The following PCLO variants were observed in gnomAD, a reference collection of about 807,000 sequenced individuals.
PCLO encodes the protein piccolo presynaptic cytomatrix protein.
Under a neutral mutation model 427.5 loss-of-function variants are expected in PCLO, and 82 were observed. The observed-to-expected ratio is 0.19, with a 90% CI of 0.16 to 0.23. The LOEUF is 0.23. PCLO is among the 10% of genes least tolerant of loss of function. PCLO has a pLI of 1.00. For missense variants in PCLO, 6,239 were observed against 6,115.9 expected, an observed-to-expected ratio of 1.02 and a Z score of -0.67; for synonymous variants, 2,357 against 2,155.4, an observed-to-expected ratio of 1.09 and a Z score of -2.59.
At chr7:82,784,493 GT>G (rs1413703828) in intron 22 of PCLO, among the ~76,000 whole-genome samples, 15 of 151,934 alleles carry the variant, frequency 9.9e-5, no homozygotes, top group African/African-American at 3.4e-4. Flanking sequence ...TGAATTGCCC[GT>G]ATTCATCAAT....
chr7:82,765,890 C>T (rs6953631), intron 22 of PCLO, among the ~76,000 whole-genome samples: 1 of 39,252 alleles, frequency 2.5e-5, no homozygotes, highest in Non-Finnish European at 6.5e-5. Context: ...GAGAAGTTAG[C>T]GGGGGGAGAA....
At chr7:83,122,436 C>A (rs1244427436) in intron 3 of PCLO, among the ~76,000 whole-genome samples, 1 of 152,038 alleles carries the variant, frequency 6.6e-6, no homozygotes, top group East Asian at 1.9e-4. Flanking sequence ...CAGACGTCCA[C>A]CACCACGCCC....
Position 82,845,187 on chromosome 7 carries a change from G to A in PCLO, c.14046+84C>T, listed in dbSNP as rs1208891514. ...GAGAAATCATAAGAAAAATACTTTA[G>A]AAAATGATATTTTATTTTCTGTCTC... is the stretch of plus-strand genomic sequence containing the variant. On this transcript the variant is annotated intron_variant, in intron 13 of 24. Transcript: ENST00000333891. 3.2e-6 allele frequency: 3 copies of A among 937,496 alleles called. No homozygotes were observed. The Admixed American group carries it at 7.6e-5, about 24-fold the overall frequency. 58.1% of individuals were successfully genotyped at this position (937,496 alleles called of 1,614,324 possible).
intron 6 of PCLO, among the ~76,000 whole-genome samples, chr7:82,925,302 C>G (rs1186815770): frequency 1.3e-5 from 2 of 151,560 alleles, no homozygotes; most frequent in Non-Finnish European, 2.9e-5. Flanking sequence ...AAATATAGTG[C>G]AGTAAAGGAA....
chr7:83,075,036 C>T (rs1789915641), intron 3 of PCLO, among the ~76,000 whole-genome samples: 2 of 152,106 alleles, frequency 1.3e-5, no homozygotes, highest in South Asian at 2.1e-4. Context: ...GAATAAAGTA[C>T]ATCTGAAACT....
chr7:82,782,787 G>T (rs150629052), intron 22 of PCLO, among the ~76,000 whole-genome samples: 403 of 152,224 alleles, frequency 2.6e-3, no homozygotes, highest in Non-Finnish European at 4.3e-3. Context: ...ATATTTGAAA[G>T]TGTCTTATAT....
chr7:82,886,534 C>G (rs1028094590), intron 9 of PCLO, among the ~76,000 whole-genome samples: 4 of 151,974 alleles, frequency 2.6e-5, no homozygotes, highest in African/African-American at 9.7e-5. Flanking sequence ...TCTATATTTG[C>G]TGAGTCATTT....
intron 3 of PCLO, among the ~76,000 whole-genome samples, chr7:83,118,816 G>C (rs2116552416): frequency 6.6e-6 from 1 of 152,242 alleles, no homozygotes; most frequent in South Asian, 2.1e-4. Flanking sequence ...ACAAGGACTG[G>C]TGGTGTGCTA....
intron 3 of PCLO, among the ~76,000 whole-genome samples, chr7:83,023,573 T>C (rs748941872): frequency 2.6e-5 from 4 of 152,328 alleles, no homozygotes; most frequent in Middle Eastern, 3.4e-3. Context: ...CAGTTGTAAG[T>C]ACATGTCCCT....
At chr7:82,984,795 C>A (rs984089564) in intron 3 of PCLO, among the ~76,000 whole-genome samples, 3 of 151,922 alleles carry the variant, frequency 2.0e-5, no homozygotes, top group Non-Finnish European at 4.4e-5. Context: ...CTGCTTCTTG[C>A]TACTTCTGAA....
rs1447645156 is a variant in PCLO, at chr7:83,079,385, C to G, written c.3300+54865G>C. ...GAAGTAGTGATGAATAACCAGCTTT[C>G]ATTTTGCCTTCCTGTTATTCAAGGG... On this transcript the variant is annotated intron_variant, in intron 3 of 24. Transcript: ENST00000333891. Among the ~76,000 whole-genome samples the G allele has an allele frequency of 5.3e-5, 8 of 152,162 alleles. No homozygotes were observed. In the East Asian group the frequency reaches 1.6e-3, roughly 29 times the overall value.
chr7:83,046,190 G>C (rs926731726), intron 3 of PCLO, among the ~76,000 whole-genome samples: 1 of 151,972 alleles, frequency 6.6e-6, no homozygotes, highest in Admixed American at 6.6e-5. Context: ...CCTAGCTCCA[G>C]ATACAGTCAC....
At chr7:82,971,616 C>T (rs1051049732) in intron 3 of PCLO, among the ~76,000 whole-genome samples, 1 of 146,198 alleles carries the variant, frequency 6.8e-6, no homozygotes, top group Admixed American at 6.9e-5. Flanking sequence ...TATATGATAT[C>T]GTATAGATAT....
chr7:83,104,814 A>G (rs1007901992), intron 3 of PCLO, among the ~76,000 whole-genome samples: 6 of 152,148 alleles, frequency 3.9e-5, no homozygotes, highest in Non-Finnish European at 8.8e-5. Flanking sequence ...CATAGATCAA[A>G]ACAAAGACCT....
Position 83,038,021 on chromosome 7 carries a change from A to ATT in PCLO, c.3301-71535_3301-71534insAA, listed in dbSNP as rs1562932891. Among the ~76,000 whole-genome samples, 4 of 55,072 alleles carry ATT rather than the reference A, an allele frequency of 7.3e-5. 1 individual carries two copies. The highest frequency in any genetic ancestry group is 4.8e-4 in the African/African-American group (4 of 8,348). The allele number at this position is 55,072 out of a possible 152,430, so 36.1% of individuals were successfully genotyped here. A position where few individuals can be genotyped will look rare whatever the true frequency, so the allele number is the denominator to read the frequency against. The stretch of plus-strand genomic sequence containing the variant: ...TATATATATATATATATATATATAT[A>ATT]TATATATATTTATATATTTATATAT... On this transcript the variant is annotated intron_variant, in intron 3 of 24. Coordinates refer to ENST00000333891, the MANE Select transcript of PCLO (RefSeq NM_033026.6).
intron 12 of PCLO, among the ~76,000 whole-genome samples, chr7:82,845,921 G>A (rs533201563): frequency 3.9e-5 from 6 of 152,064 alleles, no homozygotes; most frequent in South Asian, 2.1e-4. Flanking sequence ...ATTAAAATTC[G>A]TATAGCACTT....
intron 3 of PCLO, among the ~76,000 whole-genome samples, chr7:83,015,734 TC>T (rs1788190695): frequency 6.6e-6 from 1 of 152,172 alleles, no homozygotes; most frequent in African/African-American, 2.4e-5. Flanking sequence ...TTTTTCAGTT[TC>T]TTTAGCTGTA....
intron 7 of PCLO, among the ~76,000 whole-genome samples, chr7:82,909,873 G>A (rs967838997): frequency 6.6e-5 from 10 of 151,980 alleles, no homozygotes; most frequent in Admixed American, 4.6e-4. Flanking sequence ...TACTCACACT[G>A]TGACAAAATT....
intron 3 of PCLO, among the ~76,000 whole-genome samples, chr7:83,079,672 C>T (rs1394848428): frequency 6.6e-6 from 1 of 151,958 alleles, no homozygotes; most frequent in Non-Finnish European, 1.5e-5. Context: ...TCAGCACACA[C>T]CCAGATTAAA....
Sources: allele counts gnomAD v4.1 joint callset (sites outside exome capture counted in the v4.1 genomes callset), GRCh38; gene constraint gnomAD v4.1.1; transcripts MANE v1.5; gene names NCBI Gene and HGNC (gene_info 2026-07-23, HGNC 2026-07-21).